ATXN1: variants seen among roughly 807,000 people sequenced by gnomAD.
ATXN1 encodes ataxin-1.
ATXN1 carries 8 observed loss-of-function variants against 56.4 expected under a neutral mutation model. That is an observed-to-expected ratio of 0.14 (90% CI 0.08 to 0.26). The LOEUF (loss-of-function observed/expected upper bound fraction) is 0.26, where lower values mean the gene tolerates loss of function less well. Ranked by LOEUF, ATXN1 falls within the 10% of genes least tolerant of loss-of-function variation. ATXN1 has a pLI of 1.00. For synonymous variants in ATXN1, 514 were observed against 494.6 expected (o/e 1.04, Z -0.52); for missense variants, 987 against 1,106.5 (o/e 0.89, Z 1.53).
At chr6:16,633,508 T>C (rs375809826) in intron 3 of ATXN1, among the ~76,000 whole-genome samples, 2 of 152,306 alleles carry the variant, frequency 1.3e-5, no homozygotes, top group Middle Eastern at 3.4e-3. Flanking sequence ...TTGCTTCCAG[T>C]TCTTGCCCAA....
intron 5 of ATXN1, among the ~76,000 whole-genome samples, chr6:16,489,761 T>C (rs747298334): frequency 2.6e-5 from 4 of 152,066 alleles, no homozygotes; most frequent in African/African-American, 9.7e-5. Context: ...AAGGCTGCAA[T>C]GCACTATGAT....
intron 2 of ATXN1, among the ~76,000 whole-genome samples, chr6:16,725,897 C>A (rs1759838392): frequency 6.6e-6 from 1 of 152,170 alleles, no homozygotes; most frequent in South Asian, 2.1e-4. Flanking sequence ...TGCATATGGG[C>A]AGGAACGACT....
chr6:16,737,243 T>C (rs1314068851), intron 2 of ATXN1: 3 of 152,222 alleles, frequency 2.0e-5, no homozygotes, highest in Non-Finnish European at 2.9e-5. Flanking sequence ...AGAGGACCCA[T>C]TTGTGATTAA....
intron 6 of ATXN1, among the ~76,000 whole-genome samples, chr6:16,425,910 G>A (rs1759143685): frequency 6.6e-6 from 1 of 152,134 alleles, no homozygotes; most frequent in Non-Finnish European, 1.5e-5. Flanking sequence ...CTATAAGCAT[G>A]ATGACATTAG....
chr6:16,463,269 C>T (rs1760036317), intron 6 of ATXN1, among the ~76,000 whole-genome samples: 2 of 152,190 alleles, frequency 1.3e-5, no homozygotes. Flanking sequence ...CTTACATCTG[C>T]CTCCCCACTA....
intron 5 of ATXN1, among the ~76,000 whole-genome samples, chr6:16,507,230 C>T (rs906397167): frequency 6.6e-6 from 1 of 152,150 alleles, no homozygotes; most frequent in African/African-American, 2.4e-5. Flanking sequence ...GTCAGCCAAA[C>T]TCATAAAATA....
chr6:16,471,472 T>C (rs1335627330), intron 6 of ATXN1, among the ~76,000 whole-genome samples: 1 of 152,266 alleles, frequency 6.6e-6, no homozygotes, highest in African/African-American at 2.4e-5. Context: ...AATGATGTAA[T>C]AGATAAGGCA....
intron 5 of ATXN1, among the ~76,000 whole-genome samples, chr6:16,497,318 GA>G (rs570573683): frequency 0.1 from 12,838 of 123,112 alleles, 617 homozygotes; most frequent in African/African-American, 0.12. Flanking sequence ...GATGTAAAAA[GA>G]AAAAAAAAAA....
intron 6 of ATXN1, among the ~76,000 whole-genome samples, chr6:16,404,741 G>A (rs527752730): frequency 7.9e-5 from 12 of 151,926 alleles, no homozygotes; most frequent in Non-Finnish European, 1.3e-4. Flanking sequence ...TTAGTTTTCT[G>A]GGTCATTTCC....
chr6:16,730,380 T>C (rs886598001), intron 2 of ATXN1, among the ~76,000 whole-genome samples: 3 of 151,674 alleles, frequency 2.0e-5, no homozygotes, highest in African/African-American at 7.3e-5. Flanking sequence ...TACTGCTTGA[T>C]TACAATTTAA....
rs199970391 is a variant in ATXN1, at chr6:16,343,169, C to T, written c.-160-14699G>A. Among the ~76,000 whole-genome samples the T allele has an allele frequency of 5.9e-5, 9 of 152,198 alleles. No homozygotes were observed. In the East Asian group the frequency reaches 1.7e-3, roughly 29 times the overall value. On this transcript the variant is annotated intron_variant, in intron 6 of 7. Transcript: ENST00000436367. Reference sequence around the variant, plus strand: ...ACCATCCTGGCTAACACGGTGAAACCCTGTCTCTACTAAAAAATAGAAAAA... The same window carrying T: ...ACCATCCTGGCTAACACGGTGAAACTCTGTCTCTACTAAAAAATAGAAAAA...
intron 3 of ATXN1, among the ~76,000 whole-genome samples, chr6:16,600,252 C>T (rs2113779533): frequency 6.6e-6 from 1 of 152,200 alleles, no homozygotes; most frequent in African/African-American, 2.4e-5. Context: ...TAAGCAAAAC[C>T]ACAAACCAAT....
chr6:16,346,994 G>A (rs945967947), intron 6 of ATXN1, among the ~76,000 whole-genome samples: 9 of 152,244 alleles, frequency 5.9e-5, no homozygotes, highest in African/African-American at 1.4e-4. Flanking sequence ...GGACCCCGCC[G>A]GCCCTAGGGC....
At chr6:16,508,876 G>A (rs1446872819) in intron 5 of ATXN1, among the ~76,000 whole-genome samples, 1 of 152,102 alleles carries the variant, frequency 6.6e-6, no homozygotes, top group Non-Finnish European at 1.5e-5. Flanking sequence ...AAGTGTTTAT[G>A]GACAGATGAA....
At chr6:16,755,268 T>C (rs1345360100) in intron 1 of ATXN1, among the ~76,000 whole-genome samples, 1 of 152,076 alleles carries the variant, frequency 6.6e-6, no homozygotes, top group African/African-American at 2.4e-5. Flanking sequence ...ATACAGAGAG[T>C]TTACATAACT....
chr6:16,515,472 T>A (rs1236597260), intron 5 of ATXN1, among the ~76,000 whole-genome samples: 2 of 152,156 alleles, frequency 1.3e-5, no homozygotes, highest in African/African-American at 4.8e-5. Context: ...TGGGAATCTG[T>A]CAGTGGCTGG....
At position 16,327,496 on chromosome 6, in the gene ATXN1, G is replaced by T; in HGVS notation, c.815C>A (p.Pro272His). ...SPPAIPVHLHPHQTMIPHTLT... is the reference protein window; with the variant it reads ...SPPAIPVHLHHHQTMIPHTLT... ...CGTGTGTGGGATCATCGTCTGGTGG[G>T]GGTGGAGGTGGACGGGGATGGCCGG... Residue 272 changes from proline (P) to histidine (H), a missense_variant, in exon 7 of 8, where the codon CCC becomes CAC. By Grantham distance (77) the Pro-to-His change is moderately conservative. Transcript: ENST00000436367. 1 of 1,613,098 alleles carries T rather than the reference G, an allele frequency of 6.2e-7. No individual in the cohort carries two copies. The highest frequency in any genetic ancestry group is 1.1e-5 in the South Asian group (1 of 91,058).
chr6:16,341,435 G>A (rs973877483), intron 6 of ATXN1, among the ~76,000 whole-genome samples: 1 of 151,828 alleles, frequency 6.6e-6, no homozygotes, highest in Non-Finnish European at 1.5e-5. Flanking sequence ...CCTAGATGTT[G>A]GGACCACCAC....
At chr6:16,541,159 C>T (rs1306921343) in intron 4 of ATXN1, among the ~76,000 whole-genome samples, 2 of 152,150 alleles carry the variant, frequency 1.3e-5, no homozygotes, top group Non-Finnish European at 2.9e-5. Context: ...TGAGGGCAGC[C>T]CACAGCCTCA....
Sources: allele counts gnomAD v4.1 joint callset (sites outside exome capture counted in the v4.1 genomes callset), GRCh38; gene constraint gnomAD v4.1.1; transcripts MANE v1.5; gene names NCBI Gene and HGNC (gene_info 2026-07-23, HGNC 2026-07-21).